The following SCAPER variants were observed in gnomAD, a reference collection of about 807,000 sequenced individuals.
SCAPER encodes S phase cyclin A-associated protein in the endoplasmic reticulum.
Under a neutral mutation model 182.2 loss-of-function variants are expected in SCAPER, and 98 were observed. The ratio of observed to expected loss-of-function variants is 0.54; its 90% CI spans 0.46 to 0.64. The LOEUF (loss-of-function observed/expected upper bound fraction) is 0.64. Ranked by LOEUF, SCAPER falls within the 30% of genes least tolerant of loss-of-function variation. The probability of loss-of-function intolerance (pLI) is 0.00; values close to 1 mark genes in which losing one functional copy is unlikely to be tolerated. For missense variants in SCAPER, 1,432 were observed against 1,690.0 expected (o/e 0.85, Z 2.68); for synonymous variants, 605 against 564.6 (o/e 1.07, Z -1.01).
intron 17 of SCAPER, among the ~76,000 whole-genome samples, chr15:76,727,597 A>T (rs1329333578): frequency 6.6e-6 from 1 of 152,146 alleles, no homozygotes; most frequent in Non-Finnish European, 1.5e-5. Flanking sequence ...TTGCAGATAG[A>T]TAAAGACTAT....
At chr15:76,799,801 G>C (rs2065619048) in intron 7 of SCAPER, among the ~76,000 whole-genome samples, 2 of 152,098 alleles carry the variant, frequency 1.3e-5, no homozygotes, top group Non-Finnish European at 2.9e-5. Flanking sequence ...GGTGCTTTTG[G>C]GGTCTTTTGG....
At chr15:76,842,235 A>G (rs1181596120) in intron 4 of SCAPER, among the ~76,000 whole-genome samples, 1 of 152,176 alleles carries the variant, frequency 6.6e-6, no homozygotes, top group East Asian at 1.9e-4. Flanking sequence ...GAACATCCAA[A>G]CATTCTGATA....
chr15:76,430,350 T>C lies in SCAPER; in HGVS notation c.3311+3728A>G, dbSNP rs556190285. ...CACTGTCCTCCAGACCCCAGAATGG[T>C]AGATCCATTGACAGCTTGCACCACG... is the stretch of plus-strand genomic sequence containing the variant. On this transcript the variant is annotated intron_variant, in intron 26 of 31. Transcript: ENST00000563290. 2.5e-3 allele frequency among the ~76,000 whole-genome samples: 385 copies of C among 152,228 alleles called. 2 individuals carry two copies. The highest frequency in any genetic ancestry group is 8.9e-3 in the African/African-American group (369 of 41,542).
intron 23 of SCAPER, chr15:76,567,427 CAT>C (rs1165517996): frequency 6.0e-5 from 25 of 419,500 alleles, no homozygotes; most frequent in Middle Eastern, 3.4e-4. Flanking sequence ...ATATGATACA[CAT>C]GTCTACAAAT....
At chr15:76,669,298 C>A (rs1056651042) in intron 20 of SCAPER, among the ~76,000 whole-genome samples, 3 of 152,186 alleles carry the variant, frequency 2.0e-5, no homozygotes, top group African/African-American at 7.2e-5. Flanking sequence ...CTTTGATAAA[C>A]TAGGCCTATG....
chr15:76,510,019 C>T (rs972941175), intron 23 of SCAPER, among the ~76,000 whole-genome samples: 5 of 152,092 alleles, frequency 3.3e-5, no homozygotes, highest in Admixed American at 3.3e-4. Context: ...AATTGGCAAG[C>T]CACATGTAGG....
At chr15:76,765,228 G>C in intron 13 of SCAPER, 109 bp downstream of exon 13, 1 of 1,039,114 alleles carries the variant, frequency 9.6e-7, no homozygotes, top group Non-Finnish European at 1.4e-6. Flanking sequence ...ATCTGAAACT[G>C]TCCTGAAGTA....
intron 29 of SCAPER, among the ~76,000 whole-genome samples, chr15:76,375,508 A>T (rs999047754): frequency 5.3e-5 from 8 of 152,192 alleles, no homozygotes; most frequent in Non-Finnish European, 7.3e-5. Context: ...AAACTACCTT[A>T]TCAAAACAAA....
chr15:76,703,520 G>A (rs765598440), intron 18 of SCAPER, among the ~76,000 whole-genome samples: 1 of 152,108 alleles, frequency 6.6e-6, no homozygotes, highest in Non-Finnish European at 1.5e-5. Flanking sequence ...TACCTCCAGT[G>A]ACAATCCTGG....
At chr15:76,397,699 A>T (rs1191706880) in intron 27 of SCAPER, among the ~76,000 whole-genome samples, 2 of 150,576 alleles carry the variant, frequency 1.3e-5, no homozygotes, top group Non-Finnish European at 1.5e-5. Flanking sequence ...CTGGTCTTGA[A>T]CTCCTGACCT....
intron 4 of SCAPER, among the ~76,000 whole-genome samples, chr15:76,851,598 A>C (rs2070761185): frequency 6.6e-6 from 1 of 152,224 alleles, no homozygotes; most frequent in Non-Finnish European, 1.5e-5. Flanking sequence ...AAACTTGGTA[A>C]GCAAAAAAGA....
chr15:76,443,470 A>G lies in SCAPER; in HGVS notation c.3079-9160T>C, dbSNP rs551379768. On this transcript the variant is annotated intron_variant, in intron 25 of 31. Coordinates refer to ENST00000563290, the MANE Select transcript of SCAPER (RefSeq NM_020843.4). ...TGTTTTACAAAAAGTTTATGGGGAC[A>G]ATGGCCCAAGGAAATCAGCAGTTTA... Among the ~76,000 whole-genome samples, 22 of 152,308 alleles carry G rather than the reference A, an allele frequency of 1.4e-4. No individual in the cohort carries two copies. The East Asian group carries it at 2.3e-3, about 16-fold the overall frequency.
intron 5 of SCAPER, among the ~76,000 whole-genome samples, chr15:76,822,098 A>C (rs1402183105): frequency 6.6e-6 from 1 of 152,234 alleles, no homozygotes; most frequent in African/African-American, 2.4e-5. Flanking sequence ...GTCATCATAC[A>C]TTGGTCCAAA....
intron 23 of SCAPER, chr15:76,567,305 C>A: frequency 2.2e-6 from 1 of 452,104 alleles, no homozygotes; most frequent in South Asian, 1.6e-5. Flanking sequence ...TGGATTCTTG[C>A]ACTATTTTCC....
intron 21 of SCAPER, among the ~76,000 whole-genome samples, chr15:76,622,630 A>G (rs1228525454): frequency 6.6e-6 from 1 of 152,238 alleles, no homozygotes; most frequent in African/African-American, 2.4e-5. Flanking sequence ...TTTTACAAAT[A>G]TAAACATTTT....
intron 18 of SCAPER, among the ~76,000 whole-genome samples, chr15:76,705,291 T>C (rs1046341142): frequency 3.3e-5 from 5 of 149,614 alleles, no homozygotes; most frequent in East Asian, 3.9e-4. Context: ...AGTAAACTAT[T>C]GCAAGGACAA....
intron 17 of SCAPER, among the ~76,000 whole-genome samples, chr15:76,719,465 G>A (rs974562142): frequency 4.6e-5 from 7 of 152,166 alleles, no homozygotes; most frequent in African/African-American, 1.7e-4. Context: ...AACAAGTCTA[G>A]AGATCTAATG....
chr15:76,722,799 C>G (rs763360966), intron 17 of SCAPER, among the ~76,000 whole-genome samples: 1 of 151,838 alleles, frequency 6.6e-6, no homozygotes, highest in Non-Finnish European at 1.5e-5. Context: ...TTTATTATGC[C>G]TATTTGATTC....
At chr15:76,867,909 T>C (rs2072412051) in intron 2 of SCAPER, among the ~76,000 whole-genome samples, 1 of 152,182 alleles carries the variant, frequency 6.6e-6, no homozygotes, top group African/African-American at 2.4e-5. Flanking sequence ...AGGTAAGCTA[T>C]GTCCAGGTCT....
Sources: allele counts gnomAD v4.1 joint callset (sites outside exome capture counted in the v4.1 genomes callset), GRCh38; gene constraint gnomAD v4.1.1; transcripts MANE v1.5; gene names NCBI Gene and HGNC (gene_info 2026-07-23, HGNC 2026-07-21).